DTD1: variants seen among roughly 807,000 people sequenced by gnomAD.
DTD1 encodes D-aminoacyl-tRNA deacylase 1.
Under a neutral mutation model 25.6 loss-of-function variants are expected in DTD1, and 13 were observed. The ratio of observed to expected loss-of-function variants is 0.51; its 90% CI spans 0.33 to 0.81. The LOEUF (loss-of-function observed/expected upper bound fraction) is 0.81. DTD1 is among the 30% of genes least tolerant of loss of function. The pLI, the probability that DTD1 is intolerant of heterozygous loss-of-function variation, is 0.02. For synonymous variants in DTD1, 110 were observed against 103.6 expected (o/e 1.06, Z -0.37); for missense variants, 193 against 266.4 (o/e 0.72, Z 1.92).
chr20:18,658,700 C>T (rs1034652959), intron 4 of DTD1, among the ~76,000 whole-genome samples: 11 of 152,194 alleles, frequency 7.2e-5, no homozygotes, highest in African/African-American at 2.7e-4. Flanking sequence ...TTTTCCTATT[C>T]TACTGGTTAA....
At chr20:18,709,369 A>G (rs2122475128) in intron 4 of DTD1, among the ~76,000 whole-genome samples, 1 of 152,228 alleles carries the variant, frequency 6.6e-6, no homozygotes, top group East Asian at 1.9e-4. Context: ...CACCATCATC[A>G]TGTTTGGGTA....
chr20:18,718,931 C>G (rs2061192375), intron 4 of DTD1, among the ~76,000 whole-genome samples: 1 of 152,218 alleles, frequency 6.6e-6, no homozygotes, highest in Admixed American at 6.5e-5. Context: ...ACCTTCTGCC[C>G]TGAGCAGAGA....
chr20:18,592,649 A>C (rs1038702311), intron 1 of DTD1: 4 of 150,180 alleles, frequency 2.7e-5, no homozygotes, highest in African/African-American at 9.8e-5. Flanking sequence ...AAAAAAAAAC[A>C]GGGATTCTCC....
At chr20:18,595,016 G>A (rs931466885) in intron 2 of DTD1, among the ~76,000 whole-genome samples, 3 of 152,088 alleles carry the variant, frequency 2.0e-5, no homozygotes, top group Non-Finnish European at 4.4e-5. Context: ...CATCCAGAAG[G>A]GTGGCTCTCA....
intron 4 of DTD1, among the ~76,000 whole-genome samples, chr20:18,727,814 GGCA>G (rs143628418): frequency 0.022 from 3,301 of 152,320 alleles, 57 homozygotes; most frequent in South Asian, 0.046. Context: ...TCCATGCCAT[GGCA>G]CGTGTCAGCA....
intron 4 of DTD1, among the ~76,000 whole-genome samples, chr20:18,743,628 C>T (rs1260239975): frequency 1.4e-4 from 21 of 144,892 alleles, no homozygotes; most frequent in African/African-American, 2.8e-4. Context: ...GAACTGTGAC[C>T]GCACCACTGT....
At chr20:18,632,788 T>G in intron 4 of DTD1, 1 of 472,386 alleles carries the variant, frequency 2.1e-6, no homozygotes, top group African/African-American at 2.1e-5. Flanking sequence ...TGTATATGGA[T>G]GTATATGTGT....
chr20:18,714,430 T>C (rs1270133778), intron 4 of DTD1, among the ~76,000 whole-genome samples: 5 of 152,224 alleles, frequency 3.3e-5, no homozygotes. Context: ...GATAATTCTC[T>C]TTTTCTTCAA....
intron 4 of DTD1, among the ~76,000 whole-genome samples, chr20:18,718,405 G>A (rs151260378): frequency 4.1e-4 from 62 of 152,318 alleles, no homozygotes; most frequent in Admixed American, 3.1e-3. Flanking sequence ...TGGTGGGGCC[G>A]TGTGGGATGA....
chr20:18,640,146 A>C (rs1282459344), intron 4 of DTD1, among the ~76,000 whole-genome samples: 1 of 152,014 alleles, frequency 6.6e-6, no homozygotes, highest in Non-Finnish European at 1.5e-5. Context: ...ACTTGAAAAA[A>C]AATTCCAAGC....
At chr20:18,595,749 T>C (rs994329575) in intron 2 of DTD1, among the ~76,000 whole-genome samples, 4 of 152,192 alleles carry the variant, frequency 2.6e-5, no homozygotes, top group African/African-American at 7.2e-5. Flanking sequence ...GTAGCTGCTA[T>C]GAACTGGAGC....
intron 4 of DTD1, among the ~76,000 whole-genome samples, chr20:18,633,683 T>C (rs2122324119): frequency 6.6e-6 from 1 of 152,314 alleles, no homozygotes; most frequent in South Asian, 2.1e-4. Context: ...AGCTGACCTT[T>C]AAGGATATGG....
chr20:18,672,052 AG>A (rs1369290057), intron 4 of DTD1, among the ~76,000 whole-genome samples: 2 of 152,122 alleles, frequency 1.3e-5, no homozygotes, highest in Non-Finnish European at 2.9e-5. Context: ...TGGGCAACAT[AG>A]GGAGACCCCA....
At position 18,627,942 on chromosome 20, in the gene DTD1, C is replaced by T. The variant is rs138746463; in HGVS notation, c.371-185C>T. Among the ~76,000 whole-genome samples, 525 of 152,258 alleles carry T rather than the reference C, an allele frequency of 3.4e-3. 1 individual carries two copies. The highest frequency in any genetic ancestry group is 0.011 in the African/African-American group (468 of 41,552). On this transcript the variant is annotated intron_variant, in intron 3 of 5. Coordinates refer to ENST00000377452, the MANE Select transcript of DTD1 (RefSeq NM_080820.6). ...ATCTGATTTGCTTCTCCTTGCCTTC[C>T]GCCATGATTGTGAGGCCTTCCCAGC...
At chr20:18,744,438 G>A (rs1417061936) in intron 5 of DTD1, among the ~76,000 whole-genome samples, 167 bp downstream of exon 5, 1 of 152,112 alleles carries the variant, frequency 6.6e-6, no homozygotes, top group Non-Finnish European at 1.5e-5. Flanking sequence ...GTGTTAGTCC[G>A]TTTTCACGCT....
rs572259494 is a variant in DTD1, at chr20:18,684,461, A to G, written c.477+56228A>G. On this transcript the variant is annotated intron_variant, in intron 4 of 5. Transcript: ENST00000377452. ...GCCATCATACCCAGCTAATTTTTAT[A>G]TTTTTAGAAGAGATGGGGTTTCATC... Among the ~76,000 whole-genome samples, 3 of 151,954 alleles carry G rather than the reference A, an allele frequency of 2.0e-5. No homozygotes were observed. In the South Asian group the frequency reaches 6.2e-4, roughly 32 times the overall value.
In DTD1 at chr20:18,629,734, T is replaced by C. The variant is rs543973665; in HGVS notation, c.477+1501T>C. 6.0e-4 allele frequency among the ~76,000 whole-genome samples: 91 copies of C among 152,206 alleles called. 1 individual carries two copies. The highest frequency in any genetic ancestry group is 3.4e-3 in the Middle Eastern group (1 of 294). On this transcript the variant is annotated intron_variant, in intron 4 of 5. Transcript: ENST00000377452. Reference sequence around the variant, plus strand: ...AAAAGAGGTTTAATTGGCTCACAGTTCTGCAGGCTGTGCAGGAAGGATGGC... The same window carrying C: ...AAAAGAGGTTTAATTGGCTCACAGTCCTGCAGGCTGTGCAGGAAGGATGGC...
chr20:18,761,826 G>T (rs1472656222), intron 5 of DTD1, among the ~76,000 whole-genome samples: 1 of 152,204 alleles, frequency 6.6e-6, no homozygotes, highest in African/African-American at 2.4e-5. Context: ...CGTAACTTGG[G>T]TTAACATCAT....
intron 4 of DTD1, among the ~76,000 whole-genome samples, chr20:18,628,819 G>A (rs1224391061): frequency 2.0e-5 from 3 of 152,106 alleles, no homozygotes; most frequent in Non-Finnish European, 4.4e-5. Context: ...CACACTCACT[G>A]GATAGAGACA....
Sources: allele counts gnomAD v4.1 joint callset (sites outside exome capture counted in the v4.1 genomes callset), GRCh38; gene constraint gnomAD v4.1.1; transcripts MANE v1.5; gene names NCBI Gene and HGNC (gene_info 2026-07-23, HGNC 2026-07-21).